BRAT1: variants seen among roughly 807,000 people sequenced by gnomAD.
The protein encoded by BRAT1 is BRCA1 associated ATM activator 1.
A neutral mutation model predicts 70.6 loss-of-function variants in BRAT1; 74 were observed. The observed-to-expected ratio is 1.05, with a 90% CI of 0.87 to 1.27. BRAT1 has a LOEUF of 1.27. Ranked by LOEUF, BRAT1 falls within the 50% of genes most tolerant of loss-of-function variation. The pLI, the probability that BRAT1 is intolerant of heterozygous loss-of-function variation, is 0.00. For synonymous variants in BRAT1, 615 were observed against 517.1 expected, an observed-to-expected ratio of 1.19 and a Z score of -2.57; for missense variants, 1,203 against 1,098.2, an observed-to-expected ratio of 1.10 and a Z score of -1.35.
chr7:2,553,676 C>T (rs1388451384), intron 2 of BRAT1, among the ~76,000 whole-genome samples: 2 of 151,472 alleles, frequency 1.3e-5, no homozygotes, highest in African/African-American at 4.9e-5. Flanking sequence ...CAGGGTCTCA[C>T]TCTATCACCC....
chr7:2,540,903 G>T, intron 10 of BRAT1, 76 bp downstream of exon 10: 1 of 1,380,386 alleles, frequency 7.2e-7, no homozygotes, highest in Non-Finnish European at 9.5e-7. Context: ...GCCTGCACGG[G>T]ACGGGGTGGA....
intron 9 of BRAT1, 93 bp from the exon 10 acceptor site, chr7:2,541,145 C>G: frequency 3.4e-6 from 5 of 1,452,528 alleles, no homozygotes; most frequent in Non-Finnish European, 4.6e-6. Context: ...GCCTCATCCG[C>G]CAGCTGAAAC....
intron 6 of BRAT1, 179 bp from the exon 7 acceptor site, chr7:2,542,390 G>A (rs1460791216): frequency 3.2e-6 from 2 of 620,136 alleles, no homozygotes; most frequent in Admixed American, 2.8e-5. Flanking sequence ...GGGAGGACAG[G>A]CCTGACCAAG....
chr7:2,553,060 G>A (rs957588754), intron 2 of BRAT1, among the ~76,000 whole-genome samples: 7 of 151,374 alleles, frequency 4.6e-5, no homozygotes, highest in Non-Finnish European at 7.4e-5. Flanking sequence ...ATTTTTTTGA[G>A]ACAGAGTCCA....
intron 2 of BRAT1, among the ~76,000 whole-genome samples, chr7:2,550,788 T>C (rs982859542): frequency 6.6e-6 from 1 of 152,180 alleles, no homozygotes; most frequent in Non-Finnish European, 1.5e-5. Flanking sequence ...AATTAGATTG[T>C]GCTGATGATT....
chr7:2,555,049 G>C (rs1034200547), intron 1 of BRAT1, among the ~76,000 whole-genome samples: 1 of 150,686 alleles, frequency 6.6e-6, no homozygotes, highest in African/African-American at 2.4e-5. Context: ...ACCTGTCCGT[G>C]TGTCTGTCCC....
chr7:2,542,368 G>A (rs956022134), intron 6 of BRAT1, 157 bp from the exon 7 acceptor site: 3 of 664,328 alleles, frequency 4.5e-6, no homozygotes, highest in Non-Finnish European at 8.0e-6. Flanking sequence ...GATGCCATGG[G>A]ACAGAGTGGC....
rs1235380384 is a variant in BRAT1, at chr7:2,542,001, G to C, written c.1015+119C>G. ...CCCCGGTCCCCTTTGCTCTTGGAGG[G>C]AGGCCTGGGTGTGATTAAAGTGGGG... On this transcript the variant is annotated intron_variant, in intron 7 of 13. Coordinates refer to ENST00000340611, the MANE Select transcript of BRAT1 (RefSeq NM_152743.4). 106 of 1,211,558 alleles carry C rather than the reference G, an allele frequency of 8.7e-5. 2 individuals are homozygous for C. The East Asian group carries it at 2.6e-3, about 30-fold the overall frequency. 75.1% of individuals were successfully genotyped at this position (1,211,558 alleles called of 1,614,324 possible).
chr7:2,540,862 G>C, intron 10 of BRAT1, 117 bp downstream of exon 10: 2 of 1,074,764 alleles, frequency 1.9e-6, no homozygotes, highest in South Asian at 4.1e-5. Context: ...CAGCAGCTCT[G>C]TGGCCCTGTG....
chr7:2,544,200 G>GTTTTTTTTTTTTTTTTTTTTT (rs1172630697), intron 4 of BRAT1: 1 of 105,714 alleles, frequency 9.5e-6, no homozygotes, highest in East Asian at 2.1e-4. Context: ...CCTTCTTGTT[G>GTTTTTTTTTTTTTTTTTTTTT]TTTTTTTTTT....
At position 2,542,109 on chromosome 7, in the gene BRAT1, A is replaced by G. The variant is rs2128393326; in HGVS notation, c.1015+11T>C. 1 of 1,523,102 alleles carries G rather than the reference A, an allele frequency of 6.6e-7. No homozygotes were observed. The highest frequency in any genetic ancestry group is 8.8e-7 in the Non-Finnish European group (1 of 1,134,812). The allele number at this position is 1,523,102 out of a possible 1,614,324, so 94.3% of individuals were successfully genotyped here. ...AGGTTCTGCCCTCCCAGCCCTTTCT[A>G]AGCAGCACACCTGGGGGTCCGGGGG... On this transcript the variant is annotated intron_variant, in intron 7 of 13. Coordinates refer to ENST00000340611, the MANE Select transcript of BRAT1 (RefSeq NM_152743.4).
At chr7:2,553,512 A>G (rs1006708464) in intron 2 of BRAT1, among the ~76,000 whole-genome samples, 8 of 136,648 alleles carry the variant, frequency 5.9e-5, no homozygotes, top group South Asian at 2.2e-4. Context: ...TTGTGTTTAC[A>G]GTATGACCTC....
chr7:2,545,241 G>A (rs912658610), intron 3 of BRAT1, among the ~76,000 whole-genome samples, 185 bp from the exon 4 acceptor site: 2 of 151,696 alleles, frequency 1.3e-5, no homozygotes, highest in East Asian at 2.0e-4. Context: ...GCATGCACCT[G>A]TAATCCCAGC....
chr7:2,539,444 G>A, intron 12 of BRAT1, 93 bp from the exon 13 acceptor site: 1 of 1,508,456 alleles, frequency 6.6e-7, no homozygotes, highest in South Asian at 1.3e-5. Context: ...CAGCCGACAT[G>A]GCCCAAGTTT....
At position 2,547,352 on chromosome 7, in the gene BRAT1, G is replaced by A. The variant is rs543894187; in HGVS notation, c.254C>T (p.Ala85Val). ...FSLRLAGTFA[A>V]QENCFQYLQQ... The stretch of plus-strand genomic sequence containing the variant: ...AAGATACTGGAAGCAGTTTTCCTGG[G>A]CTGCGAAGGTTCCTGCCAGGCGCAG... Residue 85 changes from alanine (A) to valine (V), a missense_variant, in exon 3 of 14, where the codon GCC becomes GTC. By Grantham distance (64) the Ala-to-Val change is moderately conservative (BLOSUM62 0). Transcript: ENST00000340611. The A allele has an allele frequency of 1.2e-6, 2 of 1,614,128 alleles. No individual in the cohort carries two copies. The highest frequency in any genetic ancestry group is 1.7e-5 in the Admixed American group (1 of 60,010).
chr7:2,547,069 G>C (rs1353335701), intron 3 of BRAT1, among the ~76,000 whole-genome samples: 1 of 141,814 alleles, frequency 7.1e-6, no homozygotes, highest in Non-Finnish European at 1.5e-5. Flanking sequence ...CAGACAGCTG[G>C]TCAGAGCTGG....
chr7:2,542,339 T>A, intron 6 of BRAT1, 128 bp from the exon 7 acceptor site: 1 of 770,246 alleles, frequency 1.3e-6, no homozygotes, highest in Non-Finnish European at 2.2e-6. Flanking sequence ...AAACATTCTC[T>A]GCAGGCCACT....
Position 2,538,073 on chromosome 7 carries a change from T to C in BRAT1, c.2462A>G (p.Tyr821Cys). 2 of 1,561,956 alleles carry C rather than the reference T, an allele frequency of 1.3e-6. No homozygotes were observed. Among genetic ancestry groups the C allele is most frequent in the African/African-American group, 2.7e-5 (2 of 73,952 alleles). Residue 821 changes from tyrosine (Y) to cysteine (C), a missense_variant, in exon 14 of 14, where the codon TAC (tyrosine) becomes TGC (cysteine). Tyr to Cys is a radical substitution (Grantham distance 194, BLOSUM62 -2). Transcript: ENST00000340611. ...AGTGGCAGACTCTGGTTCTGCTCAG[T>C]AGCAGTCGGCCTCGTCCCCCTGCAG... ...GFLQGDEADCY is the reference protein window; with the variant it reads ...GFLQGDEADCC
chr7:2,550,720 G>A lies in BRAT1; in HGVS notation c.128-3242C>T, dbSNP rs73287559. 9.0e-3 allele frequency among the ~76,000 whole-genome samples: 1,374 copies of A among 152,178 alleles called. 16 individuals are homozygous for A. Among genetic ancestry groups the A allele is most frequent in the African/African-American group, 0.031 (1,284 of 41,490 alleles). On this transcript the variant is annotated intron_variant, in intron 2 of 13. Transcript: ENST00000340611. ...GCAGGAGAAATGACAGAGGCTGGGA[G>A]GGAGGAGGAAACAGGGACTCACTGT...
Sources: gnomAD v4.1 joint callset for allele counts (sites outside exome capture counted in the v4.1 genomes callset) on GRCh38, gnomAD v4.1.1 for gene constraint, MANE v1.5 for transcripts, NCBI Gene and HGNC (gene_info 2026-07-23, HGNC 2026-07-21) for gene names.